The following SPDYA variants were observed in gnomAD, a reference collection of about 807,000 sequenced individuals.
SPDYA encodes the protein speedy protein A.
A neutral mutation model predicts 36.7 loss-of-function variants in SPDYA; 11 were observed. That is an observed-to-expected ratio of 0.30 (90% CI 0.19 to 0.50). SPDYA has a LOEUF of 0.50. SPDYA is among the 20% of genes least tolerant of loss of function. SPDYA has a pLI of 0.98. For missense variants in SPDYA, 287 were observed against 370.9 expected (o/e 0.77, Z 1.86); for synonymous variants, 115 against 118.7 (o/e 0.97, Z 0.20).
chr2:28,824,553 C>CTTTTTTTTTTCTTTTTTTT (rs1553315252), intron 5 of SPDYA, among the ~76,000 whole-genome samples: 1 of 133,294 alleles, frequency 7.5e-6, no homozygotes, highest in Non-Finnish European at 1.6e-5. Flanking sequence ...TTCTTTCTTT[C>CTTTTTTTTTTCTTTTTTTT]TTTTTTTTTT....
chr2:28,834,049 C>T lies in SPDYA; in HGVS notation c.552+4730C>T, dbSNP rs556663532. Among the ~76,000 whole-genome samples the T allele has an allele frequency of 4.6e-5, 7 of 150,664 alleles. No individual in the cohort carries two copies. The South Asian group carries it at 1.1e-3, about 23-fold the overall frequency. ...AAAATGGGCAAATAATCCAAATAGA[C>T]ATTTCTCCAAAGAAGGTATGCAAAT... On this transcript the variant is annotated intron_variant, in intron 6 of 7. Transcript: ENST00000334056.
At chr2:28,821,492 C>T (rs968079289) in intron 4 of SPDYA, among the ~76,000 whole-genome samples, 2 of 152,034 alleles carry the variant, frequency 1.3e-5, no homozygotes, top group Non-Finnish European at 2.9e-5. Flanking sequence ...TGAGCCACTG[C>T]GCCCGTCAGG....
At chr2:28,842,584 G>GA (rs940910655) in intron 7 of SPDYA, among the ~76,000 whole-genome samples, 3 of 152,300 alleles carry the variant, frequency 2.0e-5, no homozygotes, top group African/African-American at 7.2e-5. Flanking sequence ...TTCACTGGGT[G>GA]AAAGCCATGA....
At chr2:28,819,174 AGACC>A in intron 4 of SPDYA, 68 bp downstream of exon 4, 1 of 1,147,652 alleles carries the variant, frequency 8.7e-7, no homozygotes, top group South Asian at 1.4e-5. Context: ...AGCTTTAATG[AGACC>A]TTATAAGAAT....
In SPDYA at chr2:28,850,276, TATTA is replaced by T. The variant is rs754224292; in HGVS notation, c.*341_*344del. 3 of 1,604,080 alleles carry T rather than the reference TATTA, an allele frequency of 1.9e-6. No homozygotes were observed. The highest frequency in any genetic ancestry group is 2.7e-5 in the African/African-American group (2 of 74,452). On this transcript the variant is annotated 3_prime_UTR_variant, in exon 8 of 8. Transcript: ENST00000334056. ...AGAGAAGAAAAACATAAAGTCATTA[TATTA>T]ATTAAAAGAAAAAACACCATTTAAT...
intron 4 of SPDYA, 36 bp downstream of exon 4, chr2:28,819,142 T>G: frequency 6.8e-7 from 1 of 1,479,588 alleles, no homozygotes; most frequent in Middle Eastern, 1.7e-4. Context: ...TAACCAGCAT[T>G]ATAATGTAAC....
At chr2:28,846,257 T>C (rs531824041) in intron 7 of SPDYA, among the ~76,000 whole-genome samples, 2 of 151,858 alleles carry the variant, frequency 1.3e-5, no homozygotes, top group Non-Finnish European at 2.9e-5. Context: ...ATAGAAAAAT[T>C]AGCCAGGCGT....
intron 5 of SPDYA, among the ~76,000 whole-genome samples, chr2:28,824,765 G>A (rs1001120958): frequency 1.3e-5 from 2 of 151,800 alleles, no homozygotes; most frequent in Non-Finnish European, 2.9e-5. Flanking sequence ...TAGCCAGGAT[G>A]GTCTTGATCT....
At chr2:28,835,384 T>C (rs149020977) in intron 6 of SPDYA, among the ~76,000 whole-genome samples, 2,573 of 152,264 alleles carry the variant, frequency 0.017, 48 homozygotes, top group African/African-American at 0.047. Context: ...ATTACAGGCA[T>C]GCGCCACCAC....
At chr2:28,842,183 C>G (rs1050689169) in intron 7 of SPDYA, 2 of 152,160 alleles carry the variant, frequency 1.3e-5, no homozygotes, top group African/African-American at 4.8e-5. Flanking sequence ...TGATGCAATC[C>G]TGCTGTTGGC....
At chr2:28,829,430 T>TTTCTAA in intron 6 of SPDYA, 111 bp downstream of exon 6, 1 of 1,042,346 alleles carries the variant, frequency 9.6e-7, no homozygotes. Flanking sequence ...TTTTTTTTTT[T>TTTCTAA]TCTAATATGT....
intron 5 of SPDYA, among the ~76,000 whole-genome samples, chr2:28,825,892 G>C (rs6718662): frequency 0.55 from 83,832 of 151,444 alleles, 23,592 homozygotes; most frequent in Middle Eastern, 0.64. Flanking sequence ...CACATAGCAC[G>C]ACACCCGGCT....
chr2:28,840,080 G>C, intron 6 of SPDYA, 92 bp from the exon 7 acceptor site: 3 of 1,196,108 alleles, frequency 2.5e-6, no homozygotes, highest in Non-Finnish European at 3.5e-6. Flanking sequence ...CTTCACTTTA[G>C]AGACAGTTGT....
At chr2:28,825,868 G>T (rs530005305) in intron 5 of SPDYA, among the ~76,000 whole-genome samples, 64 of 151,918 alleles carry the variant, frequency 4.2e-4, no homozygotes, top group Middle Eastern at 3.4e-3. Flanking sequence ...CTCCTGAGTA[G>T]CTGGGACCAC....
At chr2:28,823,741 ATATAAAAT>A (rs1668236865) in intron 5 of SPDYA, among the ~76,000 whole-genome samples, 2 of 54,102 alleles carry the variant, frequency 3.7e-5, no homozygotes, top group East Asian at 1.2e-3. Context: ...ATATATATAT[ATATAAAAT>A]TTTTTTTTTT....
Position 28,850,352 on chromosome 2 carries a change from C to T in SPDYA, c.*411C>T. The stretch of plus-strand genomic sequence containing the variant: ...CCTGTATGACCAGGTTGCCAGTGTA[C>T]TGGTCTAGCAACATAGGGAAATGAT... On this transcript the variant is annotated 3_prime_UTR_variant, in exon 8 of 8. Transcript: ENST00000334056. 1 of 1,611,024 alleles carries T rather than the reference C, an allele frequency of 6.2e-7. No homozygotes were observed. Among genetic ancestry groups the T allele is most frequent in the Non-Finnish European group, 8.5e-7 (1 of 1,178,534 alleles).
At chr2:28,844,865 G>A (rs985533840) in intron 7 of SPDYA, among the ~76,000 whole-genome samples, 6 of 152,026 alleles carry the variant, frequency 3.9e-5, no homozygotes, top group Admixed American at 1.3e-4. Context: ...CCCGGGAGGC[G>A]GAGGTTGCAG....
In SPDYA at chr2:28,811,022, G is replaced by T. The variant is rs1467066423; in HGVS notation, c.-93+75G>T. The T allele has an allele frequency of 5.3e-5, 8 of 152,202 alleles. No individual in the cohort carries two copies. The highest frequency in any genetic ancestry group is 1.3e-4 in the Admixed American group (2 of 15,280). The allele number at this position is 152,202 out of a possible 1,614,324, so 9.4% of individuals were successfully genotyped here. A position where few individuals can be genotyped will look rare whatever the true frequency, so the allele number is the denominator to read the frequency against. On this transcript the variant is annotated intron_variant, in intron 1 of 7. Coordinates refer to ENST00000334056, the MANE Select transcript of SPDYA (RefSeq NM_182756.4). The surrounding 1 kb of genome is among the most constrained non-coding windows in gnomAD (Gnocchi z 4.2). ...TCGAGTGTGCCCGGTCCCTGGGTTC[G>T]CTCGCCGGCGACCCCACCGCCCGCC...
chr2:28,818,459 AAAG>A (rs200559300), intron 3 of SPDYA, among the ~76,000 whole-genome samples: 1,360 of 126,352 alleles, frequency 0.011, 15 homozygotes, highest in Non-Finnish European at 0.013. Flanking sequence ...AAAAAAAAAA[AAAG>A]AGAAAGAGAG....
Sources: allele counts gnomAD v4.1 joint callset (sites outside exome capture counted in the v4.1 genomes callset), GRCh38; gene constraint gnomAD v4.1.1; non-coding constraint Gnocchi (gnomAD v3.1); transcripts MANE v1.5; gene names NCBI Gene and HGNC (gene_info 2026-07-23, HGNC 2026-07-21).